Variants in IL1RAPL2 observed in about 807,000 individuals in gnomAD.
IL1RAPL2 encodes the protein interleukin 1 receptor accessory protein like 2.
Under a neutral mutation model 44.1 loss-of-function variants are expected in IL1RAPL2, and 3 were observed. The ratio of observed to expected loss-of-function variants is 0.07; its 90% confidence interval spans 0.03 to 0.18. IL1RAPL2 has a LOEUF of 0.18. Ranked by LOEUF, IL1RAPL2 falls within the 10% of genes least tolerant of loss-of-function variation. The pLI, the probability that IL1RAPL2 is intolerant of heterozygous loss-of-function variation, is 1.00. For synonymous variants in IL1RAPL2, 181 were observed against 178.8 expected (o/e 1.01, Z -0.10); for missense variants, 391 against 496.4 (o/e 0.79, Z 2.02).
chrX:104,637,206 T>C lies in IL1RAPL2; in HGVS notation c.-19-21689T>C, dbSNP rs72616873. Among the ~76,000 whole-genome samples the C allele has an allele frequency of 3.6e-5, 4 of 111,568 alleles. No individual in the cohort carries two copies. The East Asian group carries it at 1.1e-3, about 31-fold the overall frequency. On this transcript the variant is annotated intron_variant, in intron 1 of 10. Transcript: ENST00000372582. ...TCTGCAACTTTACTGAATTTATTTA[T>C]CAGATCTGATAGTTTTTTGGTAGAG...
intron 5 of IL1RAPL2, among the ~76,000 whole-genome samples, chrX:105,422,148 C>A (rs758106399): frequency 8.9e-6 from 1 of 111,802 alleles, no homozygotes; most frequent in Admixed American, 9.5e-5. Flanking sequence ...TTTAAATTGG[C>A]TTTGATGGAA....
rs750257210 is a variant in IL1RAPL2, at chrX:104,885,102, A to G, written c.82+226107A>G. Among the ~76,000 whole-genome samples the G allele has an allele frequency of 4.9e-4, 55 of 112,016 alleles. No individual in the cohort carries two copies. In the South Asian group the frequency reaches 0.02, roughly 41 times the overall value. On this transcript the variant is annotated intron_variant, in intron 2 of 10. Transcript: ENST00000372582. The stretch of plus-strand genomic sequence containing the variant: ...GGGTCTAGGGCAAACCTTCAACCTC[A>G]CTTGGAGAGATGTCATGCTATTGTA...
At chrX:104,649,009 A>G (rs778841151) in intron 1 of IL1RAPL2, among the ~76,000 whole-genome samples, 3 of 110,350 alleles carry the variant, frequency 2.7e-5, no homozygotes, top group Non-Finnish European at 3.8e-5. Flanking sequence ...CCTCTTATCT[A>G]TTCCCCTTTT....
intron 2 of IL1RAPL2, among the ~76,000 whole-genome samples, chrX:104,764,557 G>T (rs1012817040): frequency 1.8e-5 from 2 of 111,440 alleles, no homozygotes; most frequent in Non-Finnish European, 3.8e-5. Flanking sequence ...TCTTCCTCTT[G>T]TCTGATTGCT....
chrX:105,181,813 C>T (rs1371060697), intron 2 of IL1RAPL2, among the ~76,000 whole-genome samples: 1 of 110,824 alleles, frequency 9.0e-6, no homozygotes, highest in African/African-American at 3.3e-5. Context: ...GCCTGTAATC[C>T]CAGCACTTTG....
chrX:104,669,857 C>A (rs933254808), intron 2 of IL1RAPL2, among the ~76,000 whole-genome samples: 1 of 111,625 alleles, frequency 9.0e-6, no homozygotes, highest in Admixed American at 9.5e-5. Context: ...AAATTCCACC[C>A]TTCTTGTGTA....
rs1403578014 is a variant in IL1RAPL2 at position 104,946,585 on chromosome X, T to G, written c.83-248890T>G. On this transcript the variant is annotated intron_variant, in intron 2 of 10. Coordinates refer to ENST00000372582, the MANE Select transcript of IL1RAPL2 (RefSeq NM_017416.2). ...CCCCCCTCCCCCCACCCCACAACAGTCCCCAGAGTGTGATGGTCCCCTTCC... is the reference window on the plus strand; with the variant it reads ...CCCCCCTCCCCCCACCCCACAACAGGCCCCAGAGTGTGATGGTCCCCTTCC... Among the ~76,000 whole-genome samples the G allele has an allele frequency of 6.2e-5, 4 of 64,523 alleles. No individual in the cohort carries two copies. The East Asian group carries it at 1.7e-3, about 27-fold the overall frequency. The allele number at this position is 64,523 out of a possible 115,157, so 56.0% of individuals were successfully genotyped here.
intron 6 of IL1RAPL2, among the ~76,000 whole-genome samples, chrX:105,557,454 G>T (rs927242543): frequency 9.0e-6 from 1 of 111,618 alleles, no homozygotes; most frequent in African/African-American, 3.2e-5. Flanking sequence ...AAAAACAAAT[G>T]ATAGTAGTTT....
chrX:104,666,487 G>A (rs1455509229), intron 2 of IL1RAPL2, among the ~76,000 whole-genome samples: 1 of 111,828 alleles, frequency 8.9e-6, no homozygotes, highest in Non-Finnish European at 1.9e-5. Context: ...AAGGTTAAAG[G>A]ATGAGAGAGA....
At chrX:104,631,023 G>C (rs1929636447) in intron 1 of IL1RAPL2, among the ~76,000 whole-genome samples, 1 of 110,262 alleles carries the variant, frequency 9.1e-6, no homozygotes, top group Admixed American at 9.7e-5. Context: ...AGTGTGTGAT[G>C]TTCCCCTACC....
At chrX:105,281,547 A>G (rs754078844) in intron 5 of IL1RAPL2, among the ~76,000 whole-genome samples, 115 of 112,287 alleles carry the variant, frequency 1.0e-3, no homozygotes, top group African/African-American at 3.6e-3. Context: ...CGGTGGTCCC[A>G]TAAGATTATA....
chrX:105,317,328 T>C (rs1369252504), intron 5 of IL1RAPL2, among the ~76,000 whole-genome samples: 1 of 112,045 alleles, frequency 8.9e-6, no homozygotes, highest in Non-Finnish European at 1.9e-5. Flanking sequence ...TGAAACAGTG[T>C]TGACAGTGAT....
intron 5 of IL1RAPL2, among the ~76,000 whole-genome samples, chrX:105,318,450 G>GA (rs1476222107): frequency 9.0e-6 from 1 of 111,359 alleles, no homozygotes; most frequent in African/African-American, 3.3e-5. Context: ...TTCAGTCAGA[G>GA]AAAAAAAATT....
At chrX:105,632,092 G>A (rs1206124366) in intron 6 of IL1RAPL2, among the ~76,000 whole-genome samples, 1 of 107,016 alleles carries the variant, frequency 9.3e-6, no homozygotes. Context: ...CCTTAAGCCT[G>A]TCTGAACTCA....
chrX:104,791,714 T>C (rs1381737997), intron 2 of IL1RAPL2, among the ~76,000 whole-genome samples: 1 of 111,705 alleles, frequency 9.0e-6, no homozygotes, highest in Non-Finnish European at 1.9e-5. Context: ...TCCAGAATAA[T>C]TTTGTATGAA....
intron 2 of IL1RAPL2, among the ~76,000 whole-genome samples, chrX:104,700,793 A>G: frequency 9.0e-6 from 1 of 111,574 alleles, no homozygotes; most frequent in East Asian, 2.8e-4. Context: ...CAGGTTTACT[A>G]TAATACCATA....
At chrX:104,764,605 G>A (rs767713664) in intron 2 of IL1RAPL2, among the ~76,000 whole-genome samples, 4 of 111,637 alleles carry the variant, frequency 3.6e-5, no homozygotes, top group Non-Finnish European at 7.5e-5. Flanking sequence ...AATAACAGTG[G>A]TGATAGTGGG....
At chrX:105,368,753 C>T (rs2035314673) in intron 5 of IL1RAPL2, among the ~76,000 whole-genome samples, 1 of 111,356 alleles carries the variant, frequency 9.0e-6, no homozygotes, top group Admixed American at 9.6e-5. Flanking sequence ...AAGTTTTCTG[C>T]CATGATTTCT....
intron 6 of IL1RAPL2, among the ~76,000 whole-genome samples, chrX:105,489,793 C>CTT (rs371937343): frequency 5.0e-4 from 43 of 85,834 alleles, no homozygotes; most frequent in African/African-American, 1.8e-3. Context: ...CTCTTTCTCT[C>CTT]TCTCTCTCTC....
Sources: gnomAD v4.1 joint callset for allele counts (sites outside exome capture counted in the v4.1 genomes callset) on GRCh38, gnomAD v4.1.1 for gene constraint, MANE v1.5 for transcripts, NCBI Gene and HGNC (gene_info 2026-07-23, HGNC 2026-07-21) for gene names.